ATM: variants seen among roughly 807,000 people sequenced by gnomAD.
The protein encoded by ATM is ATM serine/threonine kinase.
Under a neutral mutation model 387.0 loss-of-function variants are expected in ATM, and 308 were observed. That is an observed-to-expected ratio of 0.80 (90% confidence interval 0.73 to 0.87). The LOEUF (loss-of-function observed/expected upper bound fraction) is 0.87. ATM is among the 40% of genes least tolerant of loss of function. The pLI is 0.00. For synonymous variants in ATM, 1,156 were observed against 1,187.3 expected (o/e 0.97, Z 0.54); for missense variants, 3,312 against 3,560.9 (o/e 0.93, Z 1.78).
intron 61 of ATM, among the ~76,000 whole-genome samples, chr11:108,363,572 A>C (rs1466231531): frequency 6.6e-6 from 1 of 152,150 alleles, no homozygotes; most frequent in African/African-American, 2.4e-5. Context: ...ATTGGCATCT[A>C]CTGGGTAGAG....
intron 9 of ATM, 128 bp downstream of exon 9, chr11:108,249,230 C>A: frequency 1.9e-6 from 2 of 1,062,540 alleles, no homozygotes; most frequent in Non-Finnish European, 2.8e-6. Flanking sequence ...AAACCTATTA[C>A]TAGCAAAGGG....
chr11:108,351,840 C>T, intron 59 of ATM, among the ~76,000 whole-genome samples: 1 of 152,226 alleles, frequency 6.6e-6, no homozygotes, highest in East Asian at 1.9e-4. Context: ...ATCATTTATA[C>T]TGTTACCTGC....
intron 37 of ATM, among the ~76,000 whole-genome samples, chr11:108,307,090 T>G (rs1251865221): frequency 6.6e-6 from 1 of 152,176 alleles, no homozygotes; most frequent in East Asian, 1.9e-4. Flanking sequence ...GCACTATCCT[T>G]TCCTGCTCTG....
intron 11 of ATM, 116 bp downstream of exon 11, chr11:108,252,147 C>G (rs976214443): frequency 3.4e-6 from 3 of 885,876 alleles, no homozygotes; most frequent in Non-Finnish European, 5.2e-6. Context: ...TTTCCCAGAT[C>G]TAACCTTAAT....
In ATM at chr11:108,250,906, T is replaced by C. The variant is rs775080283; in HGVS notation, c.1441T>C (p.Leu481=). The change falls in exon 10 of 63, where the codon TTA becomes CTA. Residue 481 remains leucine, a synonymous_variant. Transcript: ENST00000675843. ...AGAAAGCTCACAAAAGTCAGATTTA[T>C]TAAAACTCTGGAATAAAATTTGGTG... The part of the protein sequence containing the change: ...NLESSQKSDL[L]KLWNKIWCIT... The C allele has an allele frequency of 1.2e-6, 2 of 1,614,186 alleles. No individual in the cohort carries two copies. The highest frequency in any genetic ancestry group is 1.7e-6 in the Non-Finnish European group (2 of 1,180,040).
chr11:108,300,121 C>G (rs2083349964), intron 34 of ATM, among the ~76,000 whole-genome samples: 1 of 151,954 alleles, frequency 6.6e-6, no homozygotes, highest in Admixed American at 6.6e-5. Flanking sequence ...TTTAGTGGGA[C>G]TAGACAAATA....
chr11:108,326,946 C>T (rs2085739278), intron 47 of ATM, among the ~76,000 whole-genome samples: 1 of 152,198 alleles, frequency 6.6e-6, no homozygotes, highest in Admixed American at 6.5e-5. Flanking sequence ...CTGCCTCAGC[C>T]TCCCTTGTAG....
intron 15 of ATM, among the ~76,000 whole-genome samples, chr11:108,258,298 A>G (rs1190595751): frequency 6.6e-6 from 1 of 152,226 alleles, no homozygotes; most frequent in East Asian, 1.9e-4. Flanking sequence ...TCATGAAACT[A>G]ATTTTATAAT....
chr11:108,353,913 T>C, intron 60 of ATM, 33 bp downstream of exon 60: 1 of 1,576,920 alleles, frequency 6.3e-7, no homozygotes. Flanking sequence ...GGGAAATAAT[T>C]TTTGATGTCA....
chr11:108,356,404 C>T (rs150865253), intron 61 of ATM, among the ~76,000 whole-genome samples: 3,355 of 151,962 alleles, frequency 0.022, 54 homozygotes, highest in Middle Eastern at 0.044. Context: ...GGCGTGATGG[C>T]GGGCACCTGT....
At chr11:108,236,615 T>G (rs888196246) in intron 5 of ATM, 2 of 151,772 alleles carry the variant, frequency 1.3e-5, no homozygotes, top group Non-Finnish European at 2.9e-5. Flanking sequence ...GTAGAAAGGA[T>G]AAGACACAAA....
At chr11:108,300,827 C>G (rs1224859965) in intron 34 of ATM, among the ~76,000 whole-genome samples, 1 of 150,956 alleles carries the variant, frequency 6.6e-6, no homozygotes, top group African/African-American at 2.4e-5. Flanking sequence ...TGCTTAATCA[C>G]TTCTAGCCAT....
At position 108,268,575 on chromosome 11, in the gene ATM, C is replaced by CGCTA. The variant is rs757237504; in HGVS notation, c.2806_2809dup (p.Glu937AlafsTer33). The CGCTA allele has an allele frequency of 2.5e-6, 4 of 1,613,864 alleles. No individual in the cohort carries two copies. The African/African-American group carries it at 5.3e-5, about 22-fold the overall frequency. On this transcript the variant is annotated frameshift_variant, in exon 18 of 63. Coordinates refer to ENST00000675843, the MANE Select transcript of ATM (RefSeq NM_000051.4). LOFTEE classifies it high-confidence loss of function. Reference sequence around the variant, plus strand: ...TTGTTAATGTTAATTGATTCTAGCACGCTAGAACCTACCAAATCCCTCCAC... The same window carrying CGCTA: ...TTGTTAATGTTAATTGATTCTAGCACGCTAGCTAGAACCTACCAAATCCCTCCAC...
chr11:108,284,135 G>C (rs2135702449), intron 25 of ATM, 92 bp from the exon 26 acceptor site: 4 of 945,928 alleles, frequency 4.2e-6, no homozygotes, highest in Non-Finnish European at 6.2e-6. Context: ...CTTTAATGCT[G>C]ATGGTATTAA....
In ATM at chr11:108,252,045, AT is replaced by A. The variant is rs1064794466; in HGVS notation, c.1802+16del. On this transcript the variant is annotated intron_variant, in intron 11 of 62. Coordinates refer to ENST00000675843, the MANE Select transcript of ATM (RefSeq NM_000051.4). The stretch of plus-strand genomic sequence containing the variant: ...AATTCTTCACAGGTAATTTAAGTTC[AT>A]TAGCATGCTGCTGTTTTTTTTGTTT... 1.9e-6 allele frequency: 3 copies of A among 1,607,236 alleles called. No individual in the cohort carries two copies. The highest frequency in any genetic ancestry group is 1.7e-6 in the Non-Finnish European group (2 of 1,176,940).
chr11:108,315,787 T>C (rs2136115328), intron 40 of ATM, 36 bp from the exon 41 acceptor site: 1 of 1,547,950 alleles, frequency 6.5e-7, no homozygotes, highest in African/African-American at 1.4e-5. Context: ...CCGATTTTTT[T>C]TCCTTCTTCA....
intron 5 of ATM, 50 bp from the exon 6 acceptor site, chr11:108,243,903 C>T: frequency 1.4e-6 from 2 of 1,444,954 alleles, no homozygotes; most frequent in Non-Finnish European, 1.9e-6. Context: ...ACATTTAATA[C>T]ATTTTGATTT....
At chr11:108,351,118 A>G (rs1004471952) in intron 59 of ATM, among the ~76,000 whole-genome samples, 4 of 152,228 alleles carry the variant, frequency 2.6e-5, no homozygotes, top group Non-Finnish European at 4.4e-5. Flanking sequence ...GACTCTCACA[A>G]ATATAATGCT....
intron 13 of ATM, among the ~76,000 whole-genome samples, chr11:108,254,637 C>T (rs1224462950): frequency 6.6e-6 from 1 of 152,142 alleles, no homozygotes; most frequent in Non-Finnish European, 1.5e-5. Flanking sequence ...TTCTTAGAAT[C>T]TCAGAAAGTA....
Sources: gnomAD v4.1 joint callset for allele counts (sites outside exome capture counted in the v4.1 genomes callset) on GRCh38, gnomAD v4.1.1 for gene constraint, MANE v1.5 for transcripts, NCBI Gene and HGNC (gene_info 2026-07-23, HGNC 2026-07-21) for gene names.